The following LOC122539214 variants were observed in gnomAD, a reference collection of about 807,000 sequenced individuals.
chr19:52,688,462 C>A, the LOC122539214 span, among the ~76,000 whole-genome samples: 2 of 152,028 alleles, frequency 1.3e-5, no homozygotes, highest in African/African-American at 4.8e-5. Flanking sequence ...GCATGAACCA[C>A]TGTACCCAGC....
chr19:52,687,602 TA>T, the LOC122539214 span, among the ~76,000 whole-genome samples: 1 of 38,914 alleles, frequency 2.6e-5, no homozygotes, highest in African/African-American at 4.0e-4. Context: ...ATATAATGTA[TA>T]TATATATAAT....
At chr19:52,667,592 T>C in the LOC122539214 span, among the ~76,000 whole-genome samples, 2 of 152,214 alleles carry the variant, frequency 1.3e-5, no homozygotes, top group Admixed American at 6.5e-5. Flanking sequence ...AAATTTGTTT[T>C]AAAGGTTTAA....
the LOC122539214 span, chr19:52,654,172 C>T: frequency 1.9e-6 from 3 of 1,602,470 alleles, no homozygotes; most frequent in African/African-American, 1.3e-5. Context: ...TTGATCACGT[C>T]GGTCTGTACT....
chr19:52,665,934 G>T, the LOC122539214 span, among the ~76,000 whole-genome samples: 2 of 152,002 alleles, frequency 1.3e-5, no homozygotes, highest in East Asian at 3.9e-4. Flanking sequence ...GCTGAGGTGG[G>T]CAAATCACGA....
At chr19:52,664,976 T>C in the LOC122539214 span, among the ~76,000 whole-genome samples, 2 of 152,146 alleles carry the variant, frequency 1.3e-5, no homozygotes, top group East Asian at 1.9e-4. Flanking sequence ...TTCCTTACTA[T>C]TGAAATTAAT....
chr19:52,686,252 A>C, the LOC122539214 span, among the ~76,000 whole-genome samples: 1 of 152,062 alleles, frequency 6.6e-6, no homozygotes, highest in Non-Finnish European at 1.5e-5. Flanking sequence ...CTAATTTCAA[A>C]CCGAAACTAT....
chr19:52,651,491 C>A, the LOC122539214 span: 1 of 152,102 alleles, frequency 6.6e-6, no homozygotes, highest in East Asian at 1.9e-4. Flanking sequence ...GAACAAGTAT[C>A]TGGCTTTTCC....
chr19:52,679,021 AC>A, the LOC122539214 span, among the ~76,000 whole-genome samples: 1 of 152,112 alleles, frequency 6.6e-6, no homozygotes, highest in African/African-American at 2.4e-5. Context: ...ATTTCATTCA[AC>A]CTCACAAGCT....
At chr19:52,676,456 A>C in the LOC122539214 span, among the ~76,000 whole-genome samples, 1 of 151,380 alleles carries the variant, frequency 6.6e-6, no homozygotes, top group Admixed American at 6.6e-5. Flanking sequence ...CTGGGATGTG[A>C]GGAGCCTGCC....
the LOC122539214 span, among the ~76,000 whole-genome samples, chr19:52,684,767 C>G: frequency 6.6e-6 from 1 of 151,724 alleles, no homozygotes; most frequent in Admixed American, 6.6e-5. Context: ...GGACAATGAC[C>G]TGAGACAGAA....
the LOC122539214 span, among the ~76,000 whole-genome samples, chr19:52,676,599 C>T: frequency 6.6e-6 from 1 of 151,472 alleles, no homozygotes; most frequent in East Asian, 2.0e-4. Context: ...AGCCCCTCTG[C>T]CTGGCCACCA....
chr19:52,652,513 T>A, the LOC122539214 span: 2 of 452,784 alleles, frequency 4.4e-6, no homozygotes, highest in Middle Eastern at 3.4e-4. Flanking sequence ...GTGTTTTGCA[T>A]AAGATGAAGC....
At chr19:52,661,837 G>T in the LOC122539214 span, among the ~76,000 whole-genome samples, 60 of 152,298 alleles carry the variant, frequency 3.9e-4, no homozygotes, top group African/African-American at 1.1e-3. Context: ...GATCACAAAG[G>T]TTACTGTAGA....
At chr19:52,654,447 G>A in the LOC122539214 span, 4 of 755,496 alleles carry the variant, frequency 5.3e-6, no homozygotes, top group South Asian at 9.1e-5. Context: ...AAGTACAGAT[G>A]GTAAATAATA....
the LOC122539214 span, among the ~76,000 whole-genome samples, chr19:52,662,696 T>A: frequency 6.6e-6 from 1 of 152,174 alleles, no homozygotes; most frequent in Admixed American, 6.5e-5. Flanking sequence ...ACTGAGCTTT[T>A]CTTGTCTTAT....
the LOC122539214 span, among the ~76,000 whole-genome samples, chr19:52,683,896 T>A: frequency 1.3e-5 from 2 of 152,082 alleles, no homozygotes; most frequent in Admixed American, 1.3e-4. Context: ...TAATTGTGCA[T>A]CCTTCAAGTA....
At chr19:52,663,565 C>T in the LOC122539214 span, among the ~76,000 whole-genome samples, 1 of 152,148 alleles carries the variant, frequency 6.6e-6, no homozygotes, top group African/African-American at 2.4e-5. Context: ...TAATAGGCTA[C>T]TTGAACTAAA....
chr19:52,660,141 G>A, the LOC122539214 span, among the ~76,000 whole-genome samples: 4,322 of 140,432 alleles, frequency 0.031, 205 homozygotes, highest in African/African-American at 0.099. Context: ...AATCATGGTG[G>A]TAAGACCACA....
At chr19:52,653,077 G>A in the LOC122539214 span, 2 of 1,489,774 alleles carry the variant, frequency 1.3e-6, no homozygotes, top group South Asian at 2.3e-5. Flanking sequence ...TTTCTCTCCA[G>A]TATGAATTGC....
Sources: gnomAD v4.1 joint callset for allele counts (sites outside exome capture counted in the v4.1 genomes callset) on GRCh38, gnomAD v4.1.1 for gene constraint, MANE v1.5 for transcripts.